Variants in LTBP1 observed in about 807,000 individuals in gnomAD.
LTBP1 encodes the protein latent-transforming growth factor beta-binding protein 1.
In LTBP1, 129 loss-of-function variants were observed where a neutral mutation model predicts 207.6. The observed-to-expected ratio is 0.62, with a 90% CI of 0.54 to 0.72. LTBP1 has a LOEUF of 0.72. LTBP1 is among the 30% of genes least tolerant of loss of function. The pLI, the probability that LTBP1 is intolerant of heterozygous loss-of-function variation, is 0.00. For missense variants in LTBP1, 2,281 were observed against 2,217.2 expected, an observed-to-expected ratio of 1.03 and a Z score of -0.58; for synonymous variants, 963 against 833.7, an observed-to-expected ratio of 1.16 and a Z score of -2.67.
chr2:33,325,271 T>C (rs2094412278), intron 24 of LTBP1, among the ~76,000 whole-genome samples: 1 of 152,216 alleles, frequency 6.6e-6, no homozygotes, highest in Non-Finnish European at 1.5e-5. Flanking sequence ...TGTGGTTTTA[T>C]AACTGATCTT....
At chr2:33,318,835 G>C (rs1330182362) in intron 24 of LTBP1, among the ~76,000 whole-genome samples, 1 of 152,064 alleles carries the variant, frequency 6.6e-6, no homozygotes, top group African/African-American at 2.4e-5. Flanking sequence ...TAATTCTTTT[G>C]CCTTTTTATT....
At chr2:33,149,233 A>AAAAAC (rs2083311756) in intron 5 of LTBP1, among the ~76,000 whole-genome samples, 1 of 122,184 alleles carries the variant, frequency 8.2e-6, no homozygotes, top group African/African-American at 2.8e-5. Flanking sequence ...AAAAACAAAA[A>AAAAAC]AAAAAAAAAA....
intron 2 of LTBP1, among the ~76,000 whole-genome samples, chr2:32,980,550 A>G (rs1354353360): frequency 6.6e-6 from 1 of 152,092 alleles, no homozygotes; most frequent in Non-Finnish European, 1.5e-5. Flanking sequence ...TGTACTGTGT[A>G]TTTCTTGAAA....
intron 3 of LTBP1, among the ~76,000 whole-genome samples, chr2:33,102,685 G>GT (rs1330864184): frequency 8.5e-5 from 13 of 152,134 alleles, no homozygotes; most frequent in Admixed American, 7.9e-4. Context: ...CTTTTGCTGT[G>GT]TTTTTCTGGC....
At chr2:33,284,144 T>C (rs998799439) in intron 19 of LTBP1, among the ~76,000 whole-genome samples, 4 of 152,244 alleles carry the variant, frequency 2.6e-5, no homozygotes, top group African/African-American at 4.8e-5. Flanking sequence ...GGCCTCTTTG[T>C]ATTCATGACA....
intron 3 of LTBP1, among the ~76,000 whole-genome samples, chr2:33,109,964 C>G (rs1350483211): frequency 1.3e-5 from 2 of 152,208 alleles, no homozygotes; most frequent in South Asian, 2.1e-4. Context: ...ATTGCTTTTG[C>G]TTAACTAATA....
chr2:33,117,301 G>A (rs1248631185), intron 4 of LTBP1, among the ~76,000 whole-genome samples: 3 of 152,272 alleles, frequency 2.0e-5, no homozygotes, highest in African/African-American at 4.8e-5. Flanking sequence ...TGCTTGTAGC[G>A]TTAGCCTTCA....
At chr2:33,190,671 A>G (rs1314545827) in intron 7 of LTBP1, among the ~76,000 whole-genome samples, 1 of 152,188 alleles carries the variant, frequency 6.6e-6, no homozygotes, top group Non-Finnish European at 1.5e-5. Flanking sequence ...CTGCTTTGCA[A>G]ATATTATAGA....
intron 3 of LTBP1, among the ~76,000 whole-genome samples, chr2:33,031,603 G>A (rs1229433708): frequency 6.6e-6 from 1 of 152,234 alleles, no homozygotes; most frequent in Admixed American, 6.5e-5. Context: ...GGGGCTGGAG[G>A]ACTGGACTAA....
rs116385020 is a variant in LTBP1, at chr2:33,131,890, C to T, written c.1034-2903C>T. On this transcript the variant is annotated intron_variant, in intron 4 of 33. Coordinates refer to ENST00000404816, the MANE Select transcript of LTBP1 (RefSeq NM_206943.4). The stretch of plus-strand genomic sequence containing the variant: ...AAGAAGTTTTTAATAACAATAGGCC[C>T]GGAGAATCTCCAGTGCTTATAAAGT... Among the ~76,000 whole-genome samples, 261 of 152,112 alleles carry T rather than the reference C, an allele frequency of 1.7e-3. 3 individuals carry two copies. Among genetic ancestry groups the T allele is most frequent in the African/African-American group, 5.8e-3 (240 of 41,508 alleles).
At chr2:33,396,167 T>G (rs2095356339) in intron 32 of LTBP1, among the ~76,000 whole-genome samples, 1 of 141,528 alleles carries the variant, frequency 7.1e-6, no homozygotes, top group Admixed American at 7.2e-5. Flanking sequence ...AAAAAAACTT[T>G]TGGTTCTGTT....
chr2:33,391,838 A>G (rs2095317014), intron 32 of LTBP1, among the ~76,000 whole-genome samples: 1 of 152,190 alleles, frequency 6.6e-6, no homozygotes, highest in Non-Finnish European at 1.5e-5. Flanking sequence ...AGAAATAAAC[A>G]TGTTGGTGTC....
chr2:33,090,715 C>T (rs918127025), intron 3 of LTBP1, among the ~76,000 whole-genome samples: 13 of 152,188 alleles, frequency 8.5e-5, no homozygotes, highest in East Asian at 7.7e-4. Flanking sequence ...GGGGTTGAGG[C>T]GGTGGGGTGC....
At chr2:33,239,030 G>C (rs932541152) in intron 9 of LTBP1, among the ~76,000 whole-genome samples, 1 of 152,160 alleles carries the variant, frequency 6.6e-6, no homozygotes, top group Non-Finnish European at 1.5e-5. Context: ...TGTTGTATTA[G>C]TTTGAACCAT....
At chr2:33,208,931 G>C (rs536780414) in intron 7 of LTBP1, among the ~76,000 whole-genome samples, 4 of 147,232 alleles carry the variant, frequency 2.7e-5, no homozygotes, top group African/African-American at 5.0e-5. Flanking sequence ...GCAGTGGCGC[G>C]ATCTCGGCTG....
At chr2:33,301,680 C>A in intron 22 of LTBP1, 36 bp downstream of exon 22, 1 of 1,529,868 alleles carries the variant, frequency 6.5e-7, no homozygotes, top group Non-Finnish European at 8.8e-7. Context: ...TCATAAAATG[C>A]CCAGATCGGA....
At chr2:33,199,357 G>A (rs1352890744) in intron 7 of LTBP1, among the ~76,000 whole-genome samples, 2 of 152,088 alleles carry the variant, frequency 1.3e-5, no homozygotes, top group African/African-American at 4.8e-5. Flanking sequence ...GTGTGGTGCT[G>A]AAAAAAATGT....
At chr2:33,373,097 C>T (rs781493969) in intron 31 of LTBP1, among the ~76,000 whole-genome samples, 3 of 152,124 alleles carry the variant, frequency 2.0e-5, no homozygotes, top group Admixed American at 2.0e-4. Flanking sequence ...TGTAAGTAAA[C>T]GGAACAAAGA....
intron 7 of LTBP1, among the ~76,000 whole-genome samples, chr2:33,216,754 A>G (rs1395878393): frequency 6.6e-6 from 1 of 152,160 alleles, no homozygotes; most frequent in Non-Finnish European, 1.5e-5. Context: ...TCCACAGAGC[A>G]GGATCTGTTT....
Sources: gnomAD v4.1 joint callset for allele counts (sites outside exome capture counted in the v4.1 genomes callset) on GRCh38, gnomAD v4.1.1 for gene constraint, MANE v1.5 for transcripts, NCBI Gene and HGNC (gene_info 2026-07-23, HGNC 2026-07-21) for gene names.